The following ACAD11 variants were observed in gnomAD, a reference collection of about 807,000 sequenced individuals.
ACAD11 encodes the protein acyl-Coenzyme A dehydrogenase family, member 11.
ACAD11 carries 83 observed loss-of-function variants against 102.2 expected under a neutral mutation model. The ratio of observed to expected loss-of-function variants is 0.81; its 90% CI spans 0.68 to 0.97. ACAD11 has a LOEUF of 0.97. Ranked by LOEUF, ACAD11 falls within the 50% of genes least tolerant of loss-of-function variation. ACAD11 has a pLI of 0.00. For synonymous variants in ACAD11, 324 were observed against 319.8 expected (o/e 1.01, Z -0.14); for missense variants, 901 against 951.7 (o/e 0.95, Z 0.70).
chr3:132,578,901 T>G lies in ACAD11; in HGVS notation c.1689-20A>C. Reference sequence around the variant, plus strand: ...TTGTGTCTAGTCAAAAGAAAAATTGTATTAGAAAAAGTTTGCTAAGAAGAA... The same window carrying G: ...TTGTGTCTAGTCAAAAGAAAAATTGGATTAGAAAAAGTTTGCTAAGAAGAA... On this transcript the variant is annotated intron_variant, in intron 14 of 19. Transcript: ENST00000264990. 1 of 1,610,982 alleles carries G rather than the reference T, an allele frequency of 6.2e-7. No homozygotes were observed. Among genetic ancestry groups the G allele is most frequent in the Non-Finnish European group, 8.5e-7 (1 of 1,178,166 alleles).
chr3:132,659,539 C>T, intron 1 of ACAD11, 64 bp downstream of exon 1: 2 of 1,601,726 alleles, frequency 1.2e-6, no homozygotes, highest in Non-Finnish European at 1.7e-6. Context: ...CCACCCAGGG[C>T]CAAAGGAAGG....
chr3:132,583,448 T>A (rs1937653196), intron 13 of ACAD11, among the ~76,000 whole-genome samples: 1 of 152,190 alleles, frequency 6.6e-6, no homozygotes, highest in South Asian at 2.1e-4. Context: ...TCTTTTCTTC[T>A]TTATTAGTCT....
intron 8 of ACAD11, 71 bp downstream of exon 8, chr3:132,628,269 T>C (rs1939901444): frequency 1.9e-6 from 2 of 1,047,348 alleles, no homozygotes; most frequent in Non-Finnish European, 2.8e-6. Flanking sequence ...CCTACTCCCC[T>C]AAAGTGTATA....
intron 1 of ACAD11, 71 bp downstream of exon 1, chr3:132,659,532 C>T (rs1451531629): frequency 3.7e-5 from 59 of 1,598,992 alleles, no homozygotes; most frequent in Non-Finnish European, 4.9e-5. Context: ...TAGGAAACCA[C>T]CCAGGGCCAA....
At chr3:132,622,763 A>ATGTGGTG (rs1429588133) in intron 9 of ACAD11, among the ~76,000 whole-genome samples, 2 of 152,134 alleles carry the variant, frequency 1.3e-5, no homozygotes, top group East Asian at 3.9e-4. Flanking sequence ...CCAAAATATC[A>ATGTGGTG]CCTGTAGCAT....
intron 1 of ACAD11, among the ~76,000 whole-genome samples, chr3:132,655,120 C>T (rs1486284349): frequency 6.6e-6 from 1 of 152,118 alleles, no homozygotes; most frequent in Non-Finnish European, 1.5e-5. Context: ...CCGTCATTGA[C>T]CAAAACGTCA....
intron 13 of ACAD11, among the ~76,000 whole-genome samples, chr3:132,588,493 A>G (rs1937944520): frequency 6.6e-6 from 1 of 152,208 alleles, no homozygotes; most frequent in Admixed American, 6.5e-5. Context: ...ATGATCACAT[A>G]AGCAGAACTA....
intron 4 of ACAD11, among the ~76,000 whole-genome samples, chr3:132,641,611 A>AGAGGAGGAG: frequency 6.9e-6 from 1 of 144,520 alleles, no homozygotes; most frequent in Non-Finnish European, 1.5e-5. Flanking sequence ...AAGAGGAGGA[A>AGAGGAGGAG]GAAGAGGAGG....
chr3:132,562,355 G>A (rs751556106), intron 17 of ACAD11, among the ~76,000 whole-genome samples: 17 of 152,094 alleles, frequency 1.1e-4, no homozygotes, highest in South Asian at 2.1e-4. Flanking sequence ...TGCCTGCCTC[G>A]GCCTCCCAAA....
In ACAD11 at chr3:132,559,093, A is replaced by G. The variant is rs1261101272; in HGVS notation, c.2229-8T>C. 8.1e-6 allele frequency: 13 copies of G among 1,597,888 alleles called. No individual in the cohort carries two copies. Among genetic ancestry groups the G allele is most frequent in the African/African-American group, 1.3e-5 (1 of 74,670 alleles). Reference sequence around the variant, plus strand: ...ACTCGGGTTATAGCATACCTGAAAAAGCAAAAGAATCAGGGAACACAGGGA... The same window carrying G: ...ACTCGGGTTATAGCATACCTGAAAAGGCAAAAGAATCAGGGAACACAGGGA... On this transcript the variant is annotated splice_polypyrimidine_tract_variant and splice_region_variant and intron_variant, in intron 19 of 19. Coordinates refer to ENST00000264990, the MANE Select transcript of ACAD11 (RefSeq NM_032169.5).
rs1388810235 is a variant in ACAD11 at position 132,559,944 on chromosome 3, T to C, written c.2119-2A>G. On this transcript the variant is annotated splice_acceptor_variant, in intron 18 of 19. Transcript: ENST00000264990. LOFTEE classifies it high-confidence loss of function. ...GGCAGCCACTTTGATCATTGCAATC[T>C]ATATAAGCAAAATATGAAAAGAATG... 6.2e-7 allele frequency: 1 copy of C among 1,607,432 alleles called. No homozygotes were observed. Among genetic ancestry groups the C allele is most frequent in the Non-Finnish European group, 8.5e-7 (1 of 1,175,170 alleles).
At chr3:132,626,649 T>C (rs1256354950) in intron 9 of ACAD11, 42 bp downstream of exon 9, 7 of 1,607,552 alleles carry the variant, frequency 4.4e-6, no homozygotes, top group South Asian at 3.3e-5. Context: ...TATTCATTGA[T>C]AGTCCTTTAG....
chr3:132,619,341 C>CT (rs534402366), intron 10 of ACAD11, 127 bp downstream of exon 10: 7 of 564,292 alleles, frequency 1.2e-5, no homozygotes, highest in South Asian at 6.3e-5. Context: ...TATTAACTTT[C>CT]TTTTTTTAAA....
At position 132,564,785 on chromosome 3, in the gene ACAD11, A is replaced by C. The variant is rs1384461165; in HGVS notation, c.2002-3568T>G. Among the ~76,000 whole-genome samples the C allele has an allele frequency of 3.3e-5, 5 of 152,212 alleles. No individual in the cohort carries two copies. The East Asian group carries it at 7.7e-4, about 23-fold the overall frequency. On this transcript the variant is annotated intron_variant, in intron 17 of 19. Coordinates refer to ENST00000264990, the MANE Select transcript of ACAD11 (RefSeq NM_032169.5). ...CTATTCCTTCTGTTAAGTACAACTA[A>C]TAACCCTGGGCATTATCTATAAAAC...
intron 11 of ACAD11, among the ~76,000 whole-genome samples, chr3:132,612,560 GT>G (rs1310255497): frequency 2.0e-5 from 3 of 152,020 alleles, no homozygotes; most frequent in Non-Finnish European, 4.4e-5. Context: ...CAACAAGTGG[GT>G]GAACGATATG....
chr3:132,596,402 C>G (rs763783890), intron 13 of ACAD11, among the ~76,000 whole-genome samples: 6 of 152,094 alleles, frequency 3.9e-5, no homozygotes, highest in African/African-American at 1.4e-4. Flanking sequence ...AACAAACTTG[C>G]ATGTGTACCC....
intron 9 of ACAD11, among the ~76,000 whole-genome samples, chr3:132,623,121 C>T (rs893067085): frequency 1.3e-5 from 2 of 152,116 alleles, no homozygotes; most frequent in African/African-American, 4.8e-5. Flanking sequence ...GTTATGCTCT[C>T]ACTTTATAAT....
intron 11 of ACAD11, among the ~76,000 whole-genome samples, chr3:132,613,222 G>A (rs569554236): frequency 6.8e-6 from 1 of 147,262 alleles, no homozygotes; most frequent in East Asian, 2.1e-4. Flanking sequence ...TCTGGGGACT[G>A]TTGTGGGGTG....
chr3:132,600,045 T>G (rs767602608), intron 13 of ACAD11, among the ~76,000 whole-genome samples: 6 of 152,224 alleles, frequency 3.9e-5, no homozygotes, highest in Non-Finnish European at 7.4e-5. Flanking sequence ...TTAGTTAAAA[T>G]CTAATTAAAT....
Sources: allele counts gnomAD v4.1 joint callset (sites outside exome capture counted in the v4.1 genomes callset), GRCh38; gene constraint gnomAD v4.1.1; transcripts MANE v1.5; gene names NCBI Gene and HGNC (gene_info 2026-07-23, HGNC 2026-07-21).